Variants in DRAXIN observed in about 807,000 individuals in gnomAD.
DRAXIN encodes the protein dorsal inhibitory axon guidance protein.
DRAXIN carries 27 observed loss-of-function variants against 33.9 expected under a neutral mutation model. That is an observed-to-expected ratio of 0.80 (90% confidence interval 0.59 to 1.10). The LOEUF (loss-of-function observed/expected upper bound fraction) is 1.10, where lower values mean the gene tolerates loss of function less well. Ranked by LOEUF, DRAXIN falls within the 50% of genes least tolerant of loss-of-function variation. The pLI, the probability that DRAXIN is intolerant of heterozygous loss-of-function variation, is 0.00. For synonymous variants in DRAXIN, 178 were observed against 194.0 expected (o/e 0.92, Z 0.69); for missense variants, 371 against 460.8 (o/e 0.81, Z 1.78).
intron 3 of DRAXIN, among the ~76,000 whole-genome samples, chr1:11,709,722 G>A (rs1194072390): frequency 3.9e-5 from 6 of 152,204 alleles, no homozygotes; most frequent in South Asian, 4.1e-4. Context: ...GGAGGCAAGC[G>A]GTAGCTCAGC....
intron 4 of DRAXIN, 95 bp from the exon 5 acceptor site, chr1:11,712,245 G>C: frequency 7.2e-7 from 1 of 1,388,174 alleles, no homozygotes; most frequent in Non-Finnish European, 1.0e-6. Context: ...CCATGCTGTA[G>C]AGTGGTGGTA....
intron 1 of DRAXIN, among the ~76,000 whole-genome samples, chr1:11,702,690 C>A (rs1228212430): frequency 3.3e-5 from 5 of 152,054 alleles, no homozygotes; most frequent in Non-Finnish European, 7.4e-5. Context: ...GATGCTCACA[C>A]ACACACACTC....
rs78837631 is a variant in DRAXIN, at chr1:11,719,947, G to T, written c.*251G>T. On this transcript the variant is annotated 3_prime_UTR_variant, in exon 7 of 7. Transcript: ENST00000294485. ...CCATCCCGCGTGTCTTGCTCTCCGCGATGGCAATGCCGAGAGTGCCCTCTA... is the reference window on the plus strand; with the variant it reads ...CCATCCCGCGTGTCTTGCTCTCCGCTATGGCAATGCCGAGAGTGCCCTCTA... The T allele has an allele frequency of 0.01, 5,047 of 483,606 alleles. 185 individuals are homozygous for T. Among genetic ancestry groups the T allele is most frequent in the African/African-American group, 0.086 (4,457 of 51,948 alleles). 30.0% of individuals were successfully genotyped at this position (483,606 alleles called of 1,614,324 possible). A position where few individuals can be genotyped will look rare whatever the true frequency, so the allele number is the denominator to read the frequency against.
At chr1:11,700,549 G>A (rs1294645994) in intron 1 of DRAXIN, among the ~76,000 whole-genome samples, 3 of 152,220 alleles carry the variant, frequency 2.0e-5, no homozygotes, top group African/African-American at 7.2e-5. Flanking sequence ...TTTTACTACA[G>A]TTTTCAAAAT....
intron 1 of DRAXIN, among the ~76,000 whole-genome samples, chr1:11,693,439 CAT>C (rs1641135372): frequency 6.6e-6 from 1 of 152,098 alleles, no homozygotes; most frequent in Non-Finnish European, 1.5e-5. Flanking sequence ...TCTAGGTGGT[CAT>C]AACATGTGAC....
rs753321853 is a variant in DRAXIN at position 11,706,702 on chromosome 1, G to A, written c.444G>A (p.Leu148=). The stretch of plus-strand genomic sequence containing the variant: ...AGAGACGCAGGGACAGGTTGAGGCT[G>A]CACCAAGGTAGCTGGAGGGCTGCGA... ...EHKRRRDRLR[L]HQGRALVRGP... The change falls in exon 2 of 7, where the codon CTG becomes CTA. Residue 148 remains leucine, a synonymous_variant. Coordinates refer to ENST00000294485, the MANE Select transcript of DRAXIN (RefSeq NM_198545.4). This position sits in a 1 kb window ranked among gnomAD's most constrained non-coding sequence, Gnocchi z 5.5. The A allele has an allele frequency of 1.6e-5, 25 of 1,572,372 alleles. No homozygotes were observed. Among genetic ancestry groups the A allele is most frequent in the Admixed American group, 7.0e-5 (4 of 56,766 alleles).
upstream of DRAXIN, among the ~76,000 whole-genome samples, chr1:11,689,953 C>T (rs1641031852): frequency 6.6e-6 from 1 of 151,968 alleles, no homozygotes; most frequent in Non-Finnish European, 1.5e-5. Flanking sequence ...AGGACCTTTG[C>T]AGTGGCTCTT....
chr1:11,713,997 A>G lies in DRAXIN; in HGVS notation c.848-1122A>G, dbSNP rs555556163. Among the ~76,000 whole-genome samples, 17 of 152,236 alleles carry G rather than the reference A, an allele frequency of 1.1e-4. No homozygotes were observed. In the South Asian group the frequency reaches 3.1e-3, roughly 28 times the overall value. On this transcript the variant is annotated intron_variant, in intron 5 of 6. Transcript: ENST00000294485. ...CAGTGACCCGAGATCGCACGACTGC[A>G]CTCTGACAGAGCGAGACTCTGTCTC... is the stretch of plus-strand genomic sequence containing the variant.
At chr1:11,697,176 G>A (rs72869770) in intron 1 of DRAXIN, among the ~76,000 whole-genome samples, 229 of 152,332 alleles carry the variant, frequency 1.5e-3, no homozygotes, top group African/African-American at 5.1e-3. Context: ...TGCTCAGTGA[G>A]GGCCCTCCCA....
At chr1:11,710,549 A>T (rs1026596852) in intron 3 of DRAXIN, among the ~76,000 whole-genome samples, 1 of 151,590 alleles carries the variant, frequency 6.6e-6, no homozygotes, top group African/African-American at 2.4e-5. Flanking sequence ...CAAAAACACT[A>T]CCCACTGGTG....
chr1:11,718,315 C>CAAA (rs759545157), intron 6 of DRAXIN, among the ~76,000 whole-genome samples: 14 of 93,882 alleles, frequency 1.5e-4, no homozygotes, highest in East Asian at 5.6e-4. Flanking sequence ...AACTCCATCT[C>CAAA]AAAAAAAAAA....
At chr1:11,712,232 A>C (rs1292791870) in intron 4 of DRAXIN, 108 bp from the exon 5 acceptor site, 2 of 1,321,432 alleles carry the variant, frequency 1.5e-6, no homozygotes, top group Admixed American at 3.4e-5. Flanking sequence ...TGCCTTGTCC[A>C]AGCCATGCTG....
intron 1 of DRAXIN, among the ~76,000 whole-genome samples, chr1:11,702,990 A>G (rs1194080215): frequency 1.3e-5 from 2 of 151,964 alleles, no homozygotes; most frequent in African/African-American, 4.8e-5. Flanking sequence ...TGATCCTCCC[A>G]CCTTGGCCTC....
In DRAXIN at chr1:11,706,840, G is replaced by A; in HGVS notation, c.451+131G>A. The A allele has an allele frequency of 1.9e-6, 2 of 1,031,012 alleles. No homozygotes were observed. The highest frequency in any genetic ancestry group is 3.0e-5 in the Admixed American group (1 of 33,766). The allele number at this position is 1,031,012 out of a possible 1,614,324, so 63.9% of individuals were successfully genotyped here. A position where few individuals can be genotyped will look rare whatever the true frequency, so the allele number is the denominator to read the frequency against. On this transcript the variant is annotated intron_variant, in intron 2 of 6. Coordinates refer to ENST00000294485, the MANE Select transcript of DRAXIN (RefSeq NM_198545.4). This position sits in a 1 kb window ranked among gnomAD's most constrained non-coding sequence, Gnocchi z 5.5. ...GAGGAGGGGTCTCACTGAAGCCAGA[G>A]GGACCTGGTAAGGGGAGGAGGCTGG...
rs12045323 is a variant in DRAXIN at position 11,704,224 on chromosome 1, C to A, written c.-10-2025C>A. Among the ~76,000 whole-genome samples the A allele has an allele frequency of 1.3e-5, 2 of 152,128 alleles. No homozygotes were observed. Among genetic ancestry groups the A allele is most frequent in the African/African-American group, 4.8e-5 (2 of 41,422 alleles). Reference sequence around the variant, plus strand: ...GTTTCCCTGTCCCTAGGACGCTCTTCGGGCTTCTCCCAGGCTGTCATGTCC... The same window carrying A: ...GTTTCCCTGTCCCTAGGACGCTCTTAGGGCTTCTCCCAGGCTGTCATGTCC... On this transcript the variant is annotated intron_variant, in intron 1 of 6. Coordinates refer to ENST00000294485, the MANE Select transcript of DRAXIN (RefSeq NM_198545.4). This position sits in a 1 kb window ranked among gnomAD's most constrained non-coding sequence, Gnocchi z 4.6.
chr1:11,688,544 G>A (rs1016132569), upstream of DRAXIN, among the ~76,000 whole-genome samples: 3 of 145,828 alleles, frequency 2.1e-5, no homozygotes, highest in Non-Finnish European at 3.0e-5. The surrounding 1 kb of genome is among the most constrained non-coding windows in gnomAD (Gnocchi z 4.6). Context: ...CTGGACAACA[G>A]AGCAAGACTG....
chr1:11,712,212 G>C lies in DRAXIN; in HGVS notation c.758-128G>C, dbSNP rs1641505124. On this transcript the variant is annotated intron_variant, in intron 4 of 6. Transcript: ENST00000294485. ...TTACCCTGAGGGAAAATACCTGTTAGGTCCAACAGTGCCTTGTCCAAGCCA... is the reference window on the plus strand; with the variant it reads ...TTACCCTGAGGGAAAATACCTGTTACGTCCAACAGTGCCTTGTCCAAGCCA... The C allele has an allele frequency of 2.7e-6, 3 of 1,105,842 alleles. No individual in the cohort carries two copies. In the Admixed American group the frequency reaches 5.4e-5, roughly 20 times the overall value. 68.5% of individuals were successfully genotyped at this position (1,105,842 alleles called of 1,614,324 possible). A position where few individuals can be genotyped will look rare whatever the true frequency, so the allele number is the denominator to read the frequency against.
chr1:11,712,113 G>A (rs900234640), intron 4 of DRAXIN, 148 bp downstream of exon 4: 24 of 872,056 alleles, frequency 2.8e-5, no homozygotes, highest in Admixed American at 4.3e-5. Context: ...AGCCTAACCT[G>A]GAAACACCAC....
chr1:11,706,571 C>A lies in DRAXIN; in HGVS notation c.313C>A (p.Leu105Met). Residue 105 changes from leucine to methionine, a missense_variant, in exon 2 of 7, where the codon CTG becomes ATG. Transcript: ENST00000294485. This position sits in a 1 kb window ranked among gnomAD's most constrained non-coding sequence, Gnocchi z 5.5. Reference sequence around the variant, plus strand: ...GCTGCCTGAGCAGAGTCCTGCAGGCCTGCTGCAGGACAAGGACCTGCTCCT... The same window carrying A: ...GCTGCCTGAGCAGAGTCCTGCAGGCATGCTGCAGGACAAGGACCTGCTCCT... ...GLLPEQSPAG[L>M]LQDKDLLLGL... 1 of 1,609,698 alleles carries A rather than the reference C, an allele frequency of 6.2e-7. No individual in the cohort carries two copies. Among genetic ancestry groups the A allele is most frequent in the Non-Finnish European group, 8.5e-7 (1 of 1,179,312 alleles).
Sources: allele counts gnomAD v4.1 joint callset (sites outside exome capture counted in the v4.1 genomes callset), GRCh38; gene constraint gnomAD v4.1.1; non-coding constraint Gnocchi (gnomAD v3.1); transcripts MANE v1.5; gene names NCBI Gene and HGNC (gene_info 2026-07-23, HGNC 2026-07-21).